CDK5RAP2: variants seen among roughly 807,000 people sequenced by gnomAD.
CDK5RAP2 encodes CDK5 regulatory subunit associated protein 2.
In CDK5RAP2, 147 loss-of-function variants were observed where a neutral mutation model predicts 232.9. That is an observed-to-expected ratio of 0.63 (90% CI 0.55 to 0.72). The LOEUF (loss-of-function observed/expected upper bound fraction) is 0.72. CDK5RAP2 is among the 30% of genes least tolerant of loss of function. CDK5RAP2 has a pLI of 0.00. For missense variants in CDK5RAP2, 2,195 were observed against 2,231.5 expected (o/e 0.98, Z 0.33); for synonymous variants, 833 against 833.7 (o/e 1.00, Z 0.01).
chr9:120,532,317 CT>C (rs1191164309), intron 7 of CDK5RAP2: 1 of 152,222 alleles, frequency 6.6e-6, no homozygotes, highest in East Asian at 1.9e-4. Context: ...CCAGTATTAA[CT>C]GCCTTAAAGA....
At chr9:120,457,549 G>A (rs2036849439) in intron 20 of CDK5RAP2, among the ~76,000 whole-genome samples, 3 of 152,192 alleles carry the variant, frequency 2.0e-5, no homozygotes, top group East Asian at 1.9e-4. Context: ...CAGATGTCAG[G>A]GATTGGGGAG....
At chr9:120,539,266 C>T in intron 5 of CDK5RAP2, 102 bp from the exon 6 acceptor site, 2 of 1,417,832 alleles carry the variant, frequency 1.4e-6, no homozygotes, top group South Asian at 1.2e-5. Flanking sequence ...ATTTCTCCCA[C>T]AGACCTGTGC....
chr9:120,509,331 T>G (rs1309362364), intron 12 of CDK5RAP2, among the ~76,000 whole-genome samples: 2 of 152,216 alleles, frequency 1.3e-5, no homozygotes, highest in African/African-American at 2.4e-5. Flanking sequence ...AGCCAGCACC[T>G]GCCACACAAT....
intron 34 of CDK5RAP2, among the ~76,000 whole-genome samples, chr9:120,401,635 A>G (rs1290087878): frequency 1.5e-5 from 2 of 135,174 alleles, no homozygotes; most frequent in South Asian, 2.4e-4. Flanking sequence ...AAAAAAAAAG[A>G]GAGAAAAAAG....
At chr9:120,572,507 C>T (rs752376668) in intron 1 of CDK5RAP2, among the ~76,000 whole-genome samples, 75 of 152,284 alleles carry the variant, frequency 4.9e-4, no homozygotes, top group Admixed American at 2.6e-3. Context: ...TGCCTATCAC[C>T]ACCTCTGGGA....
chr9:120,404,722 C>T (rs1427677029), intron 32 of CDK5RAP2, among the ~76,000 whole-genome samples: 2 of 152,160 alleles, frequency 1.3e-5, no homozygotes, highest in African/African-American at 2.4e-5. Flanking sequence ...GTATTTTGTA[C>T]TGAAAGAGTA....
intron 34 of CDK5RAP2, among the ~76,000 whole-genome samples, chr9:120,401,914 G>A (rs1177922536): frequency 6.6e-6 from 1 of 152,018 alleles, no homozygotes; most frequent in East Asian, 1.9e-4. Flanking sequence ...AGCCCAAGAG[G>A]AGGAGGCTGC....
chr9:120,394,438 A>G (rs1193570640), intron 36 of CDK5RAP2, 74 bp downstream of exon 36: 2 of 1,610,176 alleles, frequency 1.2e-6, no homozygotes, highest in Non-Finnish European at 8.5e-7. Flanking sequence ...CAAAGTGGGT[A>G]ATCCAGGGCA....
In CDK5RAP2 at chr9:120,530,099, G is replaced by A. The variant is rs759533629; in HGVS notation, c.704C>T (p.Ala235Val). 3.1e-6 allele frequency: 5 copies of A among 1,613,718 alleles called. No homozygotes were observed. The highest frequency in any genetic ancestry group is 3.4e-6 in the Non-Finnish European group (4 of 1,179,840). ...CTCCTCTTTAAGGCACTGAATTAAA[G>A]CTTCTTTGCTCTTCAAAGACAGCTT... ...ELKLSLKSKE[A>V]LIQCLKEEKS... Residue 235 changes from alanine (A) to valine (V), a missense_variant, in exon 8 of 38, where the codon GCT becomes GTT. Ala to Val is a moderately conservative substitution (Grantham distance 64, BLOSUM62 0). Transcript: ENST00000349780.
chr9:120,500,934 G>T (rs561767326), intron 12 of CDK5RAP2, among the ~76,000 whole-genome samples: 14 of 152,232 alleles, frequency 9.2e-5, no homozygotes, highest in African/African-American at 3.4e-4. Context: ...GTGGAGTAAG[G>T]GGGGGCCTGG....
intron 35 of CDK5RAP2, among the ~76,000 whole-genome samples, chr9:120,398,558 T>C (rs547286356): frequency 7.2e-5 from 11 of 152,346 alleles, no homozygotes; most frequent in East Asian, 1.9e-4. Context: ...TTTTTAGGAA[T>C]TGTTTTCTCA....
In CDK5RAP2 at chr9:120,571,994, T is replaced by C. The variant is rs1194996428; in HGVS notation, c.107A>G (p.Asn36Ser). The change falls in exon 2 of 38, where the codon AAT becomes AGT. Residue 36 changes from asparagine (N) to serine (S), a missense_variant. Coordinates refer to ENST00000349780, the MANE Select transcript of CDK5RAP2 (RefSeq NM_018249.6). ...VPDDLDGINP[N>S]AGLGNGLLPN... is the part of the protein sequence containing the mutation. Reference sequence around the variant, plus strand: ...CTTACGACCATTTCCCAACCCAGCATTGGGGTTGATGCCATCCAGGTCATC... The same window carrying C: ...CTTACGACCATTTCCCAACCCAGCACTGGGGTTGATGCCATCCAGGTCATC... The C allele has an allele frequency of 1.9e-6, 3 of 1,613,580 alleles. No homozygotes were observed. The highest frequency in any genetic ancestry group is 2.5e-6 in the Non-Finnish European group (3 of 1,179,486).
chr9:120,424,116 G>A (rs1188691931), intron 25 of CDK5RAP2, among the ~76,000 whole-genome samples: 1 of 152,184 alleles, frequency 6.6e-6, no homozygotes, highest in African/African-American at 2.4e-5. Flanking sequence ...TGAGCACGGT[G>A]TTAGTACCTC....
intron 11 of CDK5RAP2, among the ~76,000 whole-genome samples, chr9:120,520,637 T>C (rs1488975387): frequency 1.3e-5 from 2 of 152,090 alleles, no homozygotes; most frequent in African/African-American, 4.8e-5. Context: ...AGCAAGACTC[T>C]GTCTCAAAAA....
chr9:120,465,706 G>GAA (rs542352147), intron 18 of CDK5RAP2, among the ~76,000 whole-genome samples: 1 of 134,590 alleles, frequency 7.4e-6, no homozygotes, highest in South Asian at 2.3e-4. Context: ...CAACTCTAAG[G>GAA]AAAAAAAAAA....
At chr9:120,453,928 T>C (rs1588380282) in intron 20 of CDK5RAP2, 55 bp from the exon 21 acceptor site, 1 of 1,557,116 alleles carries the variant, frequency 6.4e-7, no homozygotes, top group South Asian at 1.1e-5. Context: ...CTAGGCCTTG[T>C]CCCCTAGCCA....
intron 12 of CDK5RAP2, among the ~76,000 whole-genome samples, chr9:120,491,897 T>C (rs1248945167): frequency 6.6e-6 from 1 of 152,118 alleles, no homozygotes; most frequent in Non-Finnish European, 1.5e-5. Flanking sequence ...AGGTAACACA[T>C]CAAAACAACA....
At chr9:120,513,587 C>T (rs1005476229) in intron 12 of CDK5RAP2, among the ~76,000 whole-genome samples, 4 of 152,216 alleles carry the variant, frequency 2.6e-5, no homozygotes, top group African/African-American at 9.7e-5. Context: ...TAACCTCTAG[C>T]TCAAACTTCA....
chr9:120,392,619 C>A (rs558258152), intron 36 of CDK5RAP2, among the ~76,000 whole-genome samples: 1 of 152,194 alleles, frequency 6.6e-6, no homozygotes, highest in African/African-American at 2.4e-5. Flanking sequence ...CTCCCCACCC[C>A]ACTGCTGCTC....
Sources: allele counts gnomAD v4.1 joint callset (sites outside exome capture counted in the v4.1 genomes callset), GRCh38; gene constraint gnomAD v4.1.1; transcripts MANE v1.5; gene names NCBI Gene and HGNC (gene_info 2026-07-23, HGNC 2026-07-21).